Variants in MAPK10 observed in about 807,000 individuals in gnomAD.
The protein encoded by MAPK10 is JNK3 alpha protein kinase.
Under a neutral mutation model 59.3 loss-of-function variants are expected in MAPK10, and 25 were observed. The observed-to-expected ratio is 0.42, with a 90% CI of 0.31 to 0.59. MAPK10 has a LOEUF of 0.59. Ranked by LOEUF, MAPK10 falls within the 20% of genes least tolerant of loss-of-function variation. MAPK10 has a pLI of 0.15. For synonymous variants in MAPK10, 190 were observed against 200.5 expected (o/e 0.95, Z 0.44); for missense variants, 351 against 568.9 (o/e 0.62, Z 3.90).
At chr4:86,120,326 A>C (rs1412380482) in intron 4 of MAPK10, 1 of 152,254 alleles carries the variant, frequency 6.6e-6, no homozygotes, top group African/African-American at 2.4e-5. Context: ...CCAGTCCCTC[A>C]AAGACGTATC....
intron 1 of MAPK10, among the ~76,000 whole-genome samples, chr4:86,446,049 T>C (rs1306075421): frequency 6.6e-6 from 1 of 152,176 alleles, no homozygotes; most frequent in Non-Finnish European, 1.5e-5. Flanking sequence ...ATAATGTATT[T>C]GATGATCGAT....
chr4:86,194,272 G>C (rs1462640399), intron 3 of MAPK10, 64 bp downstream of exon 3: 2 of 1,197,670 alleles, frequency 1.7e-6, no homozygotes, highest in South Asian at 2.5e-5. Context: ...TATGCAAATG[G>C]TATGTCAAAG....
At position 86,242,978 on chromosome 4, in the gene MAPK10, T is replaced by A. The variant is rs1225891003; in HGVS notation, c.-6-48571A>T. ...TTTGCGAGTGGGATCTTCCGATCAT[T>A]GGGTTGCACAGTTCCGTGGGAAAAG... On this transcript the variant is annotated intron_variant, in intron 2 of 13. Transcript: ENST00000641462. Among the ~76,000 whole-genome samples the A allele has an allele frequency of 3.0e-4, 45 of 152,298 alleles. 1 individual carries two copies.
intron 1 of MAPK10, among the ~76,000 whole-genome samples, chr4:86,505,744 C>T (rs937548980): frequency 6.6e-6 from 1 of 152,038 alleles, no homozygotes; most frequent in Non-Finnish European, 1.5e-5. Flanking sequence ...GAAAGATATC[C>T]TATGAAGGCA....
chr4:86,207,363 G>A (rs2084370326), intron 2 of MAPK10, among the ~76,000 whole-genome samples: 1 of 151,568 alleles, frequency 6.6e-6, no homozygotes, highest in Non-Finnish European at 1.5e-5. Context: ...TTGTAGATAG[G>A]CGGTGTTATT....
intron 9 of MAPK10, among the ~76,000 whole-genome samples, chr4:86,075,088 C>A (rs2048977994): frequency 6.6e-6 from 1 of 150,378 alleles, no homozygotes; most frequent in African/African-American, 2.5e-5. Flanking sequence ...AGGCTTTGCT[C>A]ATTTCTTTTT....
chr4:86,372,309 G>A (rs1312546638), intron 1 of MAPK10, among the ~76,000 whole-genome samples: 1 of 152,008 alleles, frequency 6.6e-6, no homozygotes, highest in African/African-American at 2.4e-5. Flanking sequence ...ACGAGGTCAG[G>A]AGATCGAGAC....
intron 11 of MAPK10, among the ~76,000 whole-genome samples, chr4:86,036,576 A>G (rs1408237545): frequency 2.0e-5 from 3 of 152,200 alleles, no homozygotes; most frequent in Non-Finnish European, 4.4e-5. Flanking sequence ...AAAATATATC[A>G]TGAAGTCATA....
chr4:86,444,658 G>T (rs1025819188), intron 1 of MAPK10, among the ~76,000 whole-genome samples: 7 of 151,394 alleles, frequency 4.6e-5, no homozygotes, highest in Non-Finnish European at 1.0e-4. Flanking sequence ...TAAATATTTT[G>T]CAATCTATCC....
intron 1 of MAPK10, among the ~76,000 whole-genome samples, chr4:86,421,372 A>G (rs1420361202): frequency 6.6e-6 from 1 of 152,178 alleles, no homozygotes; most frequent in Non-Finnish European, 1.5e-5. Flanking sequence ...AAATAAGTAA[A>G]TAAGTAAAAG....
At chr4:86,282,085 A>G (rs986030101) in intron 2 of MAPK10, among the ~76,000 whole-genome samples, 1 of 152,228 alleles carries the variant, frequency 6.6e-6, no homozygotes, top group African/African-American at 2.4e-5. Context: ...GACAGACAAG[A>G]ACTCAGGAGA....
intron 2 of MAPK10, among the ~76,000 whole-genome samples, chr4:86,310,572 G>A (rs1222044777): frequency 6.6e-6 from 1 of 152,004 alleles, no homozygotes; most frequent in East Asian, 1.9e-4. Context: ...TTTCTTATAA[G>A]CAACATAAAT....
intron 2 of MAPK10, among the ~76,000 whole-genome samples, chr4:86,231,265 T>C (rs2091490736): frequency 6.6e-6 from 1 of 152,198 alleles, no homozygotes. Context: ...CTTTGGGTCA[T>C]ACTTATACTA....
At chr4:86,305,243 T>C (rs187605430) in intron 2 of MAPK10, among the ~76,000 whole-genome samples, 7 of 152,340 alleles carry the variant, frequency 4.6e-5, no homozygotes, top group Admixed American at 3.9e-4. Flanking sequence ...ACTTGTGTTA[T>C]ATCCCTGTTA....
chr4:86,175,135 TA>T (rs2075386151), intron 3 of MAPK10, among the ~76,000 whole-genome samples: 1 of 152,138 alleles, frequency 6.6e-6, no homozygotes, highest in Admixed American at 6.6e-5. Context: ...AATTTTATTT[TA>T]AAAAAATCCT....
chr4:86,175,363 T>C (rs1324243333), intron 3 of MAPK10, among the ~76,000 whole-genome samples: 1 of 152,166 alleles, frequency 6.6e-6, no homozygotes, highest in Non-Finnish European at 1.5e-5. Context: ...CAAAGAACGT[T>C]ATTCTTAAAC....
At chr4:86,229,359 A>T (rs1335434164) in intron 2 of MAPK10, among the ~76,000 whole-genome samples, 1 of 152,240 alleles carries the variant, frequency 6.6e-6, no homozygotes, top group East Asian at 1.9e-4. Context: ...AAAAGATTAT[A>T]TGGCAGCAAT....
At chr4:86,589,453 G>T (rs1762865566) in intron 1 of MAPK10, among the ~76,000 whole-genome samples, 1 of 152,122 alleles carries the variant, frequency 6.6e-6, no homozygotes, top group South Asian at 2.1e-4. Context: ...AGGCCGAGGC[G>T]GGTGGATCAC....
At chr4:86,335,612 A>AT (rs1720764252) in intron 2 of MAPK10, among the ~76,000 whole-genome samples, 1 of 150,904 alleles carries the variant, frequency 6.6e-6, no homozygotes, top group African/African-American at 2.5e-5. Flanking sequence ...GTACTGTATT[A>AT]GTTTTTTTTT....
Sources: allele counts gnomAD v4.1 joint callset (sites outside exome capture counted in the v4.1 genomes callset), GRCh38; gene constraint gnomAD v4.1.1; transcripts MANE v1.5; gene names NCBI Gene and HGNC (gene_info 2026-07-23, HGNC 2026-07-21).